The following UBR2 variants were observed in gnomAD, a reference collection of about 807,000 sequenced individuals.
The protein encoded by UBR2 is E3 ubiquitin-protein ligase UBR2.
A neutral mutation model predicts 247.9 loss-of-function variants in UBR2; 92 were observed. That is an observed-to-expected ratio of 0.37 (90% CI 0.31 to 0.44). The LOEUF (loss-of-function observed/expected upper bound fraction) is 0.44, where lower values mean the gene tolerates loss of function less well. Among genes scored for constraint, UBR2 ranks in the 20% least tolerant of loss-of-function variants. The pLI, the probability that UBR2 is intolerant of heterozygous loss-of-function variation, is 1.00. For missense variants in UBR2, 1,613 were observed against 2,112.6 expected (o/e 0.76, Z 4.64); for synonymous variants, 672 against 693.5 (o/e 0.97, Z 0.49).
At chr6:42,585,762 T>C (rs1792213771) in intron 2 of UBR2, among the ~76,000 whole-genome samples, 1 of 152,224 alleles carries the variant, frequency 6.6e-6, no homozygotes, top group Non-Finnish European at 1.5e-5. Context: ...GTGTCTATAA[T>C]GATGTCTCTT....
At chr6:42,603,027 C>T (rs1004806977) in intron 4 of UBR2, among the ~76,000 whole-genome samples, 4 of 152,098 alleles carry the variant, frequency 2.6e-5, no homozygotes, top group East Asian at 3.8e-4. Context: ...CTCACTCTTA[C>T]GTCTAGTGTA....
intron 44 of UBR2, among the ~76,000 whole-genome samples, chr6:42,685,292 C>G (rs1438456896): frequency 1.3e-5 from 2 of 152,024 alleles, no homozygotes; most frequent in African/African-American, 4.8e-5. Flanking sequence ...GCCTGGGTGA[C>G]AAAAGCAAAA....
intron 11 of UBR2, among the ~76,000 whole-genome samples, chr6:42,618,742 T>C (rs1361225088): frequency 7.2e-5 from 11 of 152,052 alleles, no homozygotes; most frequent in African/African-American, 2.7e-4. Flanking sequence ...CAGGGAAAAA[T>C]TGATGGTAAC....
At position 42,644,395 on chromosome 6, in the gene UBR2, T is replaced by C. The variant is rs187676831; in HGVS notation, c.2220+59T>C. On this transcript the variant is annotated intron_variant, in intron 19 of 46. Transcript: ENST00000372901. Reference sequence around the variant, plus strand: ...GCTAAAGAAGCATCTTTCCTTCTTTTTGGATATGTTAATCCTCTGAGATTA... The same window carrying C: ...GCTAAAGAAGCATCTTTCCTTCTTTCTGGATATGTTAATCCTCTGAGATTA... 15 of 1,604,602 alleles carry C rather than the reference T, an allele frequency of 9.3e-6. No homozygotes were observed. The African/African-American group carries it at 1.7e-4, about 19-fold the overall frequency.
At chr6:42,687,063 C>T (rs549590347) in intron 44 of UBR2, among the ~76,000 whole-genome samples, 19 of 152,212 alleles carry the variant, frequency 1.2e-4, no homozygotes, top group Admixed American at 1.3e-4. Flanking sequence ...CAGAGACGCT[C>T]GTCACTTCCT....
intron 3 of UBR2, among the ~76,000 whole-genome samples, chr6:42,593,744 C>G (rs1420151686): frequency 6.6e-6 from 1 of 152,130 alleles, no homozygotes; most frequent in African/African-American, 2.4e-5. Flanking sequence ...TTAACTATTT[C>G]TATAGTCTTT....
At chr6:42,680,463 G>A (rs1021926882) in intron 42 of UBR2, among the ~76,000 whole-genome samples, 17 of 152,110 alleles carry the variant, frequency 1.1e-4, no homozygotes, top group Non-Finnish European at 1.9e-4. Context: ...TTGTTTTTAA[G>A]AGATGGGGTT....
At chr6:42,615,331 G>T (rs975833960) in intron 9 of UBR2, among the ~76,000 whole-genome samples, 153 bp downstream of exon 9, 2 of 152,110 alleles carry the variant, frequency 1.3e-5, no homozygotes, top group Non-Finnish European at 2.9e-5. Flanking sequence ...TATAGATTTG[G>T]TGGGGTGGGG....
chr6:42,624,338 G>C (rs965537531), intron 11 of UBR2, among the ~76,000 whole-genome samples: 2 of 82,972 alleles, frequency 2.4e-5, no homozygotes, highest in Non-Finnish European at 5.8e-5. Flanking sequence ...TTGAGTTGGT[G>C]GGGGGGGTGT....
At chr6:42,642,553 G>A (rs1361463127) in intron 18 of UBR2, 72 bp downstream of exon 18, 1 of 1,336,596 alleles carries the variant, frequency 7.5e-7, no homozygotes, top group Non-Finnish European at 1.1e-6. Flanking sequence ...ATAGAATTCA[G>A]TCACTTGTGA....
At chr6:42,592,710 GGA>G (rs1792746513) in intron 3 of UBR2, among the ~76,000 whole-genome samples, 1 of 152,136 alleles carries the variant, frequency 6.6e-6, no homozygotes, top group East Asian at 1.9e-4. Context: ...GACAGACCAT[GGA>G]GATTCAAAGG....
intron 2 of UBR2, among the ~76,000 whole-genome samples, chr6:42,576,335 A>C (rs555043763): frequency 1.3e-5 from 2 of 152,048 alleles, no homozygotes; most frequent in Non-Finnish European, 2.9e-5. Context: ...CTTCCTTTGC[A>C]TATTTTTAAT....
rs1562413517 is a variant in UBR2 at position 42,691,605 on chromosome 6, G to A, written c.*432G>A. On this transcript the variant is annotated 3_prime_UTR_variant, in exon 47 of 47. Transcript: ENST00000372901. ...CTGAGTGGCCCAACACTGGGACTGG[G>A]TTGGTGTCCCCTCTGCTGACAGGAC... The A allele has an allele frequency of 4.4e-6, 1 of 226,160 alleles. No homozygotes were observed. Among genetic ancestry groups the A allele is most frequent in the East Asian group, 1.5e-4 (1 of 6,586 alleles). 14.0% of individuals were successfully genotyped at this position (226,160 alleles called of 1,614,324 possible).
chr6:42,665,834 A>G (rs1798074223), intron 33 of UBR2, among the ~76,000 whole-genome samples: 1 of 152,164 alleles, frequency 6.6e-6, no homozygotes, highest in African/African-American at 2.4e-5. Context: ...TACTGTTGGC[A>G]TTACCAAAGG....
At chr6:42,592,060 T>C (rs1582472868) in intron 2 of UBR2, 91 bp from the exon 3 acceptor site, 1 of 1,248,318 alleles carries the variant, frequency 8.0e-7, no homozygotes, top group Non-Finnish European at 1.1e-6. Flanking sequence ...ACGTTTTCAT[T>C]CTTTTAGGAT....
chr6:42,619,431 A>ATTT (rs1562317871), intron 11 of UBR2: 1 of 17,186 alleles, frequency 5.8e-5, no homozygotes, highest in African/African-American at 2.5e-4. Flanking sequence ...ATATATATAT[A>ATTT]TATATATATA....
chr6:42,666,194 A>G lies in UBR2; in HGVS notation c.3830A>G (p.Asn1277Ser). 6.2e-7 allele frequency: 1 copy of G among 1,612,556 alleles called. No homozygotes were observed. Among genetic ancestry groups the G allele is most frequent in the Non-Finnish European group, 8.5e-7 (1 of 1,179,238 alleles). The part of the protein sequence containing the change: ...PNNASTKNSE[N>S]VDELQLPEGF... ...AATGCCTCTACAAAGAATTCAGAAA[A>G]TGTGGATGAATTACAGCTCCCTGAA... Residue 1277 changes from asparagine (N) to serine (S), a missense_variant, in exon 34 of 47, where the codon AAT becomes AGT. By Grantham distance (46) the Asn-to-Ser change is conservative. Around this residue, in one of 3 missense-constraint regions of UBR2, gnomAD observed 1,524 missense variants for 1,967.3 expected, o/e 0.77. Coordinates refer to ENST00000372901, the MANE Select transcript of UBR2 (RefSeq NM_001363705.2).
intron 11 of UBR2, among the ~76,000 whole-genome samples, chr6:42,624,879 C>T (rs1435190502): frequency 1.3e-5 from 2 of 152,222 alleles, no homozygotes; most frequent in Admixed American, 6.5e-5. Context: ...TATCATTTAA[C>T]TTACATCTTA....
intron 1 of UBR2, among the ~76,000 whole-genome samples, chr6:42,570,422 G>T (rs1791040294): frequency 6.6e-6 from 1 of 151,920 alleles, no homozygotes; most frequent in African/African-American, 2.4e-5. Flanking sequence ...TAGTAGAGAT[G>T]GGGTTTCACC....
Sources: allele counts gnomAD v4.1 joint callset (sites outside exome capture counted in the v4.1 genomes callset), GRCh38; gene constraint gnomAD v4.1.1; regional missense constraint gnomAD v4.1.1; transcripts MANE v1.5; gene names NCBI Gene and HGNC (gene_info 2026-07-23, HGNC 2026-07-21).